The following DCUN1D3 variants were observed in gnomAD, a reference collection of about 807,000 sequenced individuals.
DCUN1D3 encodes defective in cullin neddylation 1 domain containing 3.
Under a neutral mutation model 24.8 loss-of-function variants are expected in DCUN1D3, and 6 were observed. That is an observed-to-expected ratio of 0.24 (90% CI 0.13 to 0.48). DCUN1D3 has a LOEUF of 0.48. Among genes scored for constraint, DCUN1D3 ranks in the 20% least tolerant of loss-of-function variants. The probability of loss-of-function intolerance (pLI) is 0.99; values close to 1 mark genes in which losing one functional copy is unlikely to be tolerated. For missense variants in DCUN1D3, 258 were observed against 379.4 expected (o/e 0.68, Z 2.66); for synonymous variants, 120 against 144.9 (o/e 0.83, Z 1.24).
chr16:20,880,922 T>C (rs2081840582), intron 1 of DCUN1D3, among the ~76,000 whole-genome samples: 1 of 152,184 alleles, frequency 6.6e-6, no homozygotes. Flanking sequence ...ATTCAGACTC[T>C]TAAATTAAGG....
At chr16:20,871,813 CT>C (rs1293465280) in intron 1 of DCUN1D3, among the ~76,000 whole-genome samples, 1 of 152,224 alleles carries the variant, frequency 6.6e-6, no homozygotes, top group Non-Finnish European at 1.5e-5. Flanking sequence ...CTGGGCATTT[CT>C]AACTACCCAC....
chr16:20,889,224 CAAAA>C (rs398028978), intron 1 of DCUN1D3, among the ~76,000 whole-genome samples: 1 of 109,860 alleles, frequency 9.1e-6, no homozygotes, highest in Admixed American at 9.8e-5. Context: ...GACTCCATCT[CAAAA>C]AAAAAAAAAA....
intron 1 of DCUN1D3, among the ~76,000 whole-genome samples, chr16:20,887,065 G>A (rs1158908276): frequency 1.3e-5 from 2 of 152,206 alleles, no homozygotes; most frequent in African/African-American, 4.8e-5. Context: ...TGTAATCCCA[G>A]CACTTTGGGA....
intron 1 of DCUN1D3, among the ~76,000 whole-genome samples, chr16:20,889,425 C>T (rs10492809): frequency 0.18 from 27,176 of 151,750 alleles, 2,644 homozygotes; most frequent in African/African-American, 0.26. Flanking sequence ...ATAAAGTAAG[C>T]TGGTTTCTTG....
At chr16:20,877,540 A>T (rs1351846695) in intron 1 of DCUN1D3, among the ~76,000 whole-genome samples, 2 of 152,232 alleles carry the variant, frequency 1.3e-5, no homozygotes, top group African/African-American at 4.8e-5. Flanking sequence ...ATTGATAAGT[A>T]TCTGTAGAAG....
chr16:20,883,755 T>C (rs1429953178), intron 1 of DCUN1D3, among the ~76,000 whole-genome samples: 2 of 152,144 alleles, frequency 1.3e-5, no homozygotes, highest in African/African-American at 2.4e-5. Context: ...ACTGGAAAGA[T>C]TTTTACCTGT....
chr16:20,880,697 TG>T (rs1176620245), intron 1 of DCUN1D3, among the ~76,000 whole-genome samples: 1 of 144,636 alleles, frequency 6.9e-6, no homozygotes, highest in Non-Finnish European at 1.5e-5. Context: ...AAGAATCAAA[TG>T]GAAAATAAGC....
At position 20,875,210 on chromosome 16, in the gene DCUN1D3, GCACACACA is replaced by G. The variant is rs3222584; in HGVS notation, c.-105-12575_-105-12568del. ...CCCAGAATAAACTGCGTGCGCTCAT[GCACACACA>G]CACACACACACACACACACACACAC... On this transcript the variant is annotated intron_variant, in intron 1 of 2. Coordinates refer to ENST00000324344, the MANE Select transcript of DCUN1D3 (RefSeq NM_173475.4). Among the ~76,000 whole-genome samples, 1,249 of 140,312 alleles carry G rather than the reference GCACACACA, an allele frequency of 8.9e-3. 13 individuals are homozygous for G. Among genetic ancestry groups the G allele is most frequent in the African/African-American group, 0.026 (985 of 37,730 alleles). The allele number at this position is 140,312 out of a possible 152,430, so 92.1% of individuals were successfully genotyped here. A position where few individuals can be genotyped will look rare whatever the true frequency, so the allele number is the denominator to read the frequency against.
At chr16:20,878,100 C>A (rs768411615) in intron 1 of DCUN1D3, among the ~76,000 whole-genome samples, 3 of 152,144 alleles carry the variant, frequency 2.0e-5, no homozygotes, top group Non-Finnish European at 4.4e-5. Flanking sequence ...TGGGCCCAGC[C>A]CTGATTCTTA....
chr16:20,894,925 C>T (rs2081908657), intron 1 of DCUN1D3, among the ~76,000 whole-genome samples: 1 of 152,112 alleles, frequency 6.6e-6, no homozygotes, highest in Admixed American at 6.5e-5. Context: ...TCTTTTCTTT[C>T]ATTTTCAGTG....
intron 1 of DCUN1D3, among the ~76,000 whole-genome samples, chr16:20,892,765 A>C (rs2081897965): frequency 6.6e-6 from 1 of 152,206 alleles, no homozygotes; most frequent in Non-Finnish European, 1.5e-5. Flanking sequence ...TGGGGGGGAA[A>C]AAAAGAAAAC....
intron 1 of DCUN1D3, among the ~76,000 whole-genome samples, chr16:20,884,977 CTT>C (rs11365673): frequency 1.1e-3 from 131 of 122,748 alleles, no homozygotes; most frequent in South Asian, 1.6e-3. Context: ...CACCATTTTG[CTT>C]TTTTTTTTTT....
chr16:20,864,448 C>T (rs1567422259), intron 1 of DCUN1D3, among the ~76,000 whole-genome samples: 1 of 151,692 alleles, frequency 6.6e-6, no homozygotes, highest in Non-Finnish European at 1.5e-5. Context: ...GATACCATCT[C>T]ACACCAGTCA....
Position 20,859,627 on chromosome 16 carries a change from C to CA in DCUN1D3, c.*258dup. ...GCAGGCTTATTCTATCTGAAGGCTT[C>CA]AAAAAAAGATACACAACATGTAACC... is the stretch of plus-strand genomic sequence containing the variant. On this transcript the variant is annotated 3_prime_UTR_variant, in exon 3 of 3. Coordinates refer to ENST00000324344, the MANE Select transcript of DCUN1D3 (RefSeq NM_173475.4). 1 of 288,982 alleles carries CA rather than the reference C, an allele frequency of 3.5e-6. No individual in the cohort carries two copies. 17.9% of individuals were successfully genotyped at this position (288,982 alleles called of 1,614,324 possible).
intron 1 of DCUN1D3, among the ~76,000 whole-genome samples, chr16:20,873,865 T>C (rs1032221451): frequency 1.3e-5 from 2 of 152,160 alleles, no homozygotes; most frequent in African/African-American, 4.8e-5. Context: ...GATTAAATGG[T>C]CCCTGTTTAT....
rs1320562957 is a variant in DCUN1D3 at position 20,866,957 on chromosome 16, C to T, written c.-105-4314G>A. Among the ~76,000 whole-genome samples the T allele has an allele frequency of 4.6e-5, 7 of 152,240 alleles. 1 individual carries two copies. Among genetic ancestry groups the T allele is most frequent in the Admixed American group, 4.6e-4 (7 of 15,286 alleles). ...ACAGTGCCCAGCCCCATGGCCCAGG[C>T]TGGCAGCACTTCAAGTGTTTTAAAG... On this transcript the variant is annotated intron_variant, in intron 1 of 2. Coordinates refer to ENST00000324344, the MANE Select transcript of DCUN1D3 (RefSeq NM_173475.4).
intron 1 of DCUN1D3, among the ~76,000 whole-genome samples, chr16:20,873,329 G>A (rs1227992979): frequency 6.6e-6 from 1 of 152,152 alleles, no homozygotes; most frequent in Non-Finnish European, 1.5e-5. Flanking sequence ...GAAAAGAAGA[G>A]GACAAAGATG....
At chr16:20,872,743 A>AT (rs1423604336) in intron 1 of DCUN1D3, among the ~76,000 whole-genome samples, 1 of 152,232 alleles carries the variant, frequency 6.6e-6, no homozygotes, top group East Asian at 1.9e-4. Context: ...AGAAAAAAAA[A>AT]GCCAATCACT....
intron 1 of DCUN1D3, among the ~76,000 whole-genome samples, chr16:20,878,650 C>T (rs1049134580): frequency 6.6e-6 from 1 of 152,176 alleles, no homozygotes; most frequent in Non-Finnish European, 1.5e-5. Flanking sequence ...ATACTGCATA[C>T]TACTTGCTTT....
Sources: allele counts gnomAD v4.1 joint callset (sites outside exome capture counted in the v4.1 genomes callset), GRCh38; gene constraint gnomAD v4.1.1; transcripts MANE v1.5; gene names NCBI Gene and HGNC (gene_info 2026-07-23, HGNC 2026-07-21).